The following GTPBP10 variants were observed in gnomAD, a reference collection of about 807,000 sequenced individuals.
GTPBP10 encodes GTP-binding protein 10.
A neutral mutation model predicts 44.8 loss-of-function variants in GTPBP10; 38 were observed. That is an observed-to-expected ratio of 0.85 (90% CI 0.65 to 1.11). GTPBP10 has a LOEUF of 1.11. Ranked by LOEUF, GTPBP10 falls within the 50% of genes most tolerant of loss-of-function variation. The probability of loss-of-function intolerance (pLI) is 0.00; values close to 1 mark genes in which losing one functional copy is unlikely to be tolerated. For synonymous variants in GTPBP10, 152 were observed against 150.6 expected (o/e 1.01, Z -0.07); for missense variants, 462 against 453.7 (o/e 1.02, Z -0.17).
chr7:90,382,502 G>T (rs1327057053), intron 8 of GTPBP10, among the ~76,000 whole-genome samples: 1 of 152,098 alleles, frequency 6.6e-6, no homozygotes, highest in Non-Finnish European at 1.5e-5. Flanking sequence ...GCTCATTGTA[G>T]CCTCAAACTC....
At chr7:90,346,913 T>TA in intron 1 of GTPBP10, 139 bp downstream of exon 1, 1 of 898,192 alleles carries the variant, frequency 1.1e-6, no homozygotes, top group Non-Finnish European at 1.8e-6. Flanking sequence ...GCCCCTCCTG[T>TA]AGTGGCGCTT....
chr7:90,377,734 A>G (rs553128423), intron 7 of GTPBP10, 120 bp downstream of exon 7: 2 of 651,352 alleles, frequency 3.1e-6, no homozygotes, highest in South Asian at 2.6e-5. Context: ...TAAGTCTTTT[A>G]TAATATGGGG....
intron 8 of GTPBP10, among the ~76,000 whole-genome samples, chr7:90,380,074 C>CTTTT (rs58735928): frequency 1.8e-4 from 19 of 104,372 alleles, no homozygotes; most frequent in Non-Finnish European, 3.1e-4. Context: ...AGTCCCTTCT[C>CTTTT]TTTTTTTTTT....
intron 5 of GTPBP10, 33 bp downstream of exon 5, chr7:90,372,261 T>C (rs199725537): frequency 1.4e-5 from 19 of 1,335,746 alleles, no homozygotes; most frequent in Admixed American, 1.3e-4. Context: ...TTTTAATGAG[T>C]GGAGGTAAAC....
intron 4 of GTPBP10, among the ~76,000 whole-genome samples, chr7:90,365,000 T>C (rs1796102837): frequency 6.6e-6 from 1 of 152,090 alleles, no homozygotes; most frequent in Non-Finnish European, 1.5e-5. Flanking sequence ...AGGGTGGGAG[T>C]GACCCGATTT....
intron 4 of GTPBP10, among the ~76,000 whole-genome samples, chr7:90,369,085 C>T (rs1343550231): frequency 1.3e-5 from 2 of 152,164 alleles, no homozygotes; most frequent in Non-Finnish European, 2.9e-5. Flanking sequence ...TGCTGGAGGT[C>T]CACTTCAGAC....
In GTPBP10 at chr7:90,383,096, A is replaced by G. The variant is rs373029076; in HGVS notation, c.901+17A>G. The G allele has an allele frequency of 8.0e-6, 12 of 1,503,202 alleles. No homozygotes were observed. The African/African-American group carries it at 1.4e-4, about 17-fold the overall frequency. The allele number at this position is 1,503,202 out of a possible 1,614,324, so 93.1% of individuals were successfully genotyped here. On this transcript the variant is annotated intron_variant, in intron 9 of 9. Transcript: ENST00000222511. ...ATCCTAAAGGTAAACCTATTTATTC[A>G]TTTAATTCTAATTTAAAGAATAATT... is the stretch of plus-strand genomic sequence containing the variant.
At chr7:90,368,294 G>A (rs1796177259) in intron 4 of GTPBP10, among the ~76,000 whole-genome samples, 3 of 152,124 alleles carry the variant, frequency 2.0e-5, no homozygotes, top group African/African-American at 7.2e-5. Context: ...TCTTTGTGGT[G>A]TTCTCCGTAT....
intron 4 of GTPBP10, among the ~76,000 whole-genome samples, chr7:90,363,443 A>G (rs1796067626): frequency 1.3e-5 from 2 of 152,164 alleles, no homozygotes; most frequent in Non-Finnish European, 1.5e-5. Flanking sequence ...TCTTTTCTTT[A>G]AGAATGTTGA....
intron 7 of GTPBP10, 185 bp downstream of exon 7, chr7:90,377,799 A>G (rs1252622863): frequency 4.6e-6 from 1 of 216,842 alleles, no homozygotes; most frequent in African/African-American, 2.3e-5. Flanking sequence ...ACTTGCCAAC[A>G]TGTATTTCCT....
At chr7:90,362,220 A>G (rs1796037804) in intron 4 of GTPBP10, among the ~76,000 whole-genome samples, 1 of 151,758 alleles carries the variant, frequency 6.6e-6, no homozygotes, top group Non-Finnish European at 1.5e-5. Context: ...TTTAACTGTG[A>G]TGTTAGGGTG....
intron 4 of GTPBP10, among the ~76,000 whole-genome samples, chr7:90,369,968 A>G (rs1280142171): frequency 6.6e-6 from 1 of 152,158 alleles, no homozygotes; most frequent in East Asian, 1.9e-4. Context: ...ACTCTTACAA[A>G]GACGTACAGA....
intron 6 of GTPBP10, 36 bp downstream of exon 6, chr7:90,374,390 T>G: frequency 7.4e-7 from 1 of 1,353,330 alleles, no homozygotes; most frequent in Non-Finnish European, 1.1e-6. Flanking sequence ...ATATTAGAAG[T>G]CAAAAGTACT....
rs17865173 is a variant in GTPBP10 at position 90,356,142 on chromosome 7, T to G, written c.464+912T>G. Reference sequence around the variant, plus strand: ...CTTTTCATGTTCCTCTTCAGTCATCTCACTGCTTCTTTACCAGACTCTTAA... The same window carrying G: ...CTTTTCATGTTCCTCTTCAGTCATCGCACTGCTTCTTTACCAGACTCTTAA... On this transcript the variant is annotated intron_variant, in intron 4 of 9. Transcript: ENST00000222511. Among the ~76,000 whole-genome samples the G allele has an allele frequency of 8.4e-3, 1,280 of 152,270 alleles. 19 individuals are homozygous for G. The highest frequency in any genetic ancestry group is 0.029 in the African/African-American group (1,187 of 41,542).
Position 90,355,204 on chromosome 7 carries a change from A to C in GTPBP10, c.438A>C (p.Lys146Asn), listed in dbSNP as rs1795872740. The change falls in exon 4 of 10, where the codon AAA becomes AAC. Residue 146 changes from lysine (K) to asparagine (N), a missense_variant. Coordinates refer to ENST00000222511, the MANE Select transcript of GTPBP10 (RefSeq NM_033107.4). ...GQKRIIHLDL[K>N]LIADVGLVGF... ...AACGAATAATTCACCTTGATCTAAA[A>C]CTTATAGCTGATGTAGGCCTAGTAG... is the stretch of plus-strand genomic sequence containing the variant. 6.3e-7 allele frequency: 1 copy of C among 1,598,310 alleles called. No individual in the cohort carries two copies. Among genetic ancestry groups the C allele is most frequent in the Admixed American group, 1.7e-5 (1 of 58,234 alleles).
chr7:90,375,603 AC>A (rs1796331673), intron 6 of GTPBP10, among the ~76,000 whole-genome samples: 1 of 152,200 alleles, frequency 6.6e-6, no homozygotes, highest in African/African-American at 2.4e-5. Context: ...AATATATAGA[AC>A]AATATTTAGA....
intron 7 of GTPBP10, 78 bp from the exon 8 acceptor site, chr7:90,378,056 T>G (rs960532837): frequency 1.4e-6 from 2 of 1,468,862 alleles, no homozygotes; most frequent in Middle Eastern, 2.3e-4. Context: ...CTTGAGAGAG[T>G]AAAACATTTT....
At chr7:90,382,220 C>T (rs1796445729) in intron 8 of GTPBP10, among the ~76,000 whole-genome samples, 1 of 152,144 alleles carries the variant, frequency 6.6e-6, no homozygotes, top group Non-Finnish European at 1.5e-5. Flanking sequence ...AAGAAAACAA[C>T]TCAAAATTTT....
At chr7:90,356,200 C>T (rs975234672) in intron 4 of GTPBP10, among the ~76,000 whole-genome samples, 2 of 152,152 alleles carry the variant, frequency 1.3e-5, no homozygotes, top group African/African-American at 2.4e-5. Context: ...CCTGCCTGAC[C>T]AGCCACTAGA....
Sources: allele counts gnomAD v4.1 joint callset (sites outside exome capture counted in the v4.1 genomes callset), GRCh38; gene constraint gnomAD v4.1.1; transcripts MANE v1.5; gene names NCBI Gene and HGNC (gene_info 2026-07-23, HGNC 2026-07-21).